UBR4: variants seen among roughly 807,000 people sequenced by gnomAD.
UBR4 encodes E3 ubiquitin-protein ligase UBR4.
UBR4 carries 124 observed loss-of-function variants against 575.6 expected under a neutral mutation model. That is an observed-to-expected ratio of 0.22 (90% CI 0.19 to 0.25). The LOEUF (loss-of-function observed/expected upper bound fraction) is 0.25, where lower values mean the gene tolerates loss of function less well. Ranked by LOEUF, UBR4 falls within the 10% of genes least tolerant of loss-of-function variation. The pLI, the probability that UBR4 is intolerant of heterozygous loss-of-function variation, is 1.00. For missense variants in UBR4, 4,818 were observed against 6,478.8 expected, an observed-to-expected ratio of 0.74 and a Z score of 8.80; for synonymous variants, 2,455 against 2,473.7, an observed-to-expected ratio of 0.99 and a Z score of 0.22.
At chr1:19,182,344 A>AT (rs35107779) in intron 17 of UBR4, among the ~76,000 whole-genome samples, 20,390 of 148,810 alleles carry the variant, frequency 0.14, 1,455 homozygotes, top group Middle Eastern at 0.2. Flanking sequence ...TAGTAATTCT[A>AT]TTTTTTTTTT....
chr1:19,130,825 T>C (rs1411957266), intron 60 of UBR4, among the ~76,000 whole-genome samples: 1 of 152,118 alleles, frequency 6.6e-6, no homozygotes, highest in East Asian at 1.9e-4. Context: ...TACACACACA[T>C]GAAGAAAAAA....
chr1:19,099,811 C>G, intron 89 of UBR4, 134 bp from the exon 90 acceptor site: 1 of 708,368 alleles, frequency 1.4e-6, no homozygotes, highest in Non-Finnish European at 2.3e-6. Context: ...AACTCTCCCA[C>G]TCTTAAAAAA....
rs1277296446 is a variant in UBR4 at position 19,174,455 on chromosome 1, C to G, written c.2854-8G>C. The G allele has an allele frequency of 6.2e-7, 1 of 1,606,312 alleles. No homozygotes were observed. Among genetic ancestry groups the G allele is most frequent in the African/African-American group, 1.3e-5 (1 of 74,872 alleles). On this transcript the variant is annotated splice_region_variant and splice_polypyrimidine_tract_variant and intron_variant, in intron 21 of 105. Coordinates refer to ENST00000375254, the MANE Select transcript of UBR4 (RefSeq NM_020765.3). ...GAAAAGGACGTCACATGCCTGACAT[C>G]AAGAAAGAAAGAGAGTCATTTCCTT...
In UBR4 at chr1:19,183,975, T is replaced by C. The variant is rs2091277673; in HGVS notation, c.2098+41A>G. 2.5e-6 allele frequency: 4 copies of C among 1,612,818 alleles called. No individual in the cohort carries two copies. The East Asian group carries it at 6.7e-5, about 27-fold the overall frequency. Reference sequence around the variant, plus strand: ...CCTCCCTGCCAACAGCCAAACTCCATGAGAAAAAAAATCCATCAGGCACAT... The same window carrying C: ...CCTCCCTGCCAACAGCCAAACTCCACGAGAAAAAAAATCCATCAGGCACAT... On this transcript the variant is annotated intron_variant, in intron 16 of 105. Coordinates refer to ENST00000375254, the MANE Select transcript of UBR4 (RefSeq NM_020765.3).
intron 52 of UBR4, 141 bp downstream of exon 52, chr1:19,146,685 T>C: frequency 8.9e-7 from 1 of 1,119,818 alleles, no homozygotes. Context: ...CAAAAGGCCC[T>C]ACAAGGTATA....
intron 59 of UBR4, 84 bp from the exon 60 acceptor site, chr1:19,138,265 A>G: frequency 7.2e-7 from 1 of 1,379,734 alleles, no homozygotes; most frequent in South Asian, 1.8e-5. Context: ...AGCAATAGTT[A>G]AGACAGTAAC....
chr1:19,176,520 C>T (rs2151021939), intron 20 of UBR4, 72 bp downstream of exon 20: 2 of 1,565,404 alleles, frequency 1.3e-6, no homozygotes, highest in Non-Finnish European at 1.7e-6. Context: ...TCCAAGAGTC[C>T]CCAAGCTTCA....
At chr1:19,208,269 C>A (rs1369333185) in intron 1 of UBR4, among the ~76,000 whole-genome samples, 2 of 151,946 alleles carry the variant, frequency 1.3e-5, no homozygotes, top group African/African-American at 2.4e-5. Flanking sequence ...ATATGGAGAC[C>A]ATTCTGGCTA....
intron 75 of UBR4, 110 bp downstream of exon 75, chr1:19,114,701 T>G (rs1295129744): frequency 7.1e-7 from 1 of 1,406,508 alleles, no homozygotes; most frequent in African/African-American, 1.4e-5. Flanking sequence ...AAACTGGTGT[T>G]GAGTCGAAGA....
In UBR4 at chr1:19,201,652, C is replaced by T. The variant is rs1318023359; in HGVS notation, c.274+66G>A. The T allele has an allele frequency of 2.0e-5, 28 of 1,399,776 alleles. 2 individuals carry two copies. The highest frequency in any genetic ancestry group is 4.9e-5 in the South Asian group (4 of 82,222). The allele number at this position is 1,399,776 out of a possible 1,614,324, so 86.7% of individuals were successfully genotyped here. On this transcript the variant is annotated intron_variant, in intron 2 of 105. Transcript: ENST00000375254. ...TTAACAACTTTTTCAGATACACTAA[C>T]GAGAGGATAAACAATCCCCCTATTC...
intron 13 of UBR4, 108 bp downstream of exon 13, chr1:19,187,056 T>C: frequency 2.3e-6 from 2 of 860,218 alleles, no homozygotes; most frequent in Non-Finnish European, 2.9e-6. Flanking sequence ...GTAGTCAGTC[T>C]TATTCATTTC....
Position 19,093,625 on chromosome 1 carries a change from C to T in UBR4, c.13938-139G>A, listed in dbSNP as rs2077738327. 1.1e-6 allele frequency: 1 copy of T among 928,502 alleles called. No individual in the cohort carries two copies. The highest frequency in any genetic ancestry group is 1.6e-6 in the Non-Finnish European group (1 of 630,114). The allele number at this position is 928,502 out of a possible 1,614,324, so 57.5% of individuals were successfully genotyped here. A position where few individuals can be genotyped will look rare whatever the true frequency, so the allele number is the denominator to read the frequency against. ...AACGTGACACAAAGACCTATCTGCCCCGGCTCCTGCCACTCTCCCTGTTTA... is the reference window on the plus strand; with the variant it reads ...AACGTGACACAAAGACCTATCTGCCTCGGCTCCTGCCACTCTCCCTGTTTA... On this transcript the variant is annotated intron_variant, in intron 95 of 105. Transcript: ENST00000375254. This position sits in a 1 kb window ranked among gnomAD's most constrained non-coding sequence, Gnocchi z 4.8.
chr1:19,102,687 T>G (rs891710064), intron 87 of UBR4, among the ~76,000 whole-genome samples: 2 of 152,158 alleles, frequency 1.3e-5, no homozygotes, highest in Non-Finnish European at 2.9e-5. Context: ...TGCGTTGAGC[T>G]TTGGTTTCCA....
intron 19 of UBR4, 106 bp downstream of exon 19, chr1:19,177,348 CAAAACCT>C (rs1226734098): frequency 2.1e-6 from 3 of 1,409,228 alleles, no homozygotes; most frequent in African/African-American, 2.9e-5. Flanking sequence ...ATCAACCTAC[CAAAACCT>C]AAAACCTAAA....
intron 2 of UBR4, 45 bp from the exon 3 acceptor site, chr1:19,199,799 T>C: frequency 1.3e-6 from 2 of 1,553,768 alleles, no homozygotes; most frequent in Non-Finnish European, 1.8e-6. Flanking sequence ...TGCTCAGCGT[T>C]GGTCAATAAA....
intron 81 of UBR4, 127 bp downstream of exon 81, chr1:19,109,969 C>T: frequency 7.1e-7 from 1 of 1,402,252 alleles, no homozygotes; most frequent in African/African-American, 1.4e-5. Context: ...AAAGGCTGCA[C>T]TGGAGCCTCT....
chr1:19,153,425 A>G lies in UBR4; in HGVS notation c.6708T>C (p.Asp2236=). The G allele has an allele frequency of 6.2e-7, 1 of 1,614,184 alleles. No individual in the cohort carries two copies. The highest frequency in any genetic ancestry group is 8.5e-7 in the Non-Finnish European group (1 of 1,180,018). The change falls in exon 46 of 106, where the codon GAT becomes GAC. Residue 2236 remains aspartate, a synonymous_variant. Coordinates refer to ENST00000375254, the MANE Select transcript of UBR4 (RefSeq NM_020765.3). This position sits in a 1 kb window ranked among gnomAD's most constrained non-coding sequence, Gnocchi z 4.1. ...QRTTMILLCE[D]GSLRIYMANV... ...TGGCCATGTAAATGCGCAGGCTGCC[A>G]TCCTCACACAGCAGAATCATTGTTG...
chr1:19,110,268 A>G lies in UBR4; in HGVS notation c.11978-45T>C, dbSNP rs774496436. ...GCAGAGTCACAATCAGGAACACTAC[A>G]CATCTGCTCTGCAGAGGCCGCCCAA... On this transcript the variant is annotated intron_variant, in intron 80 of 105. Transcript: ENST00000375254. The surrounding 1 kb of genome is among the most constrained non-coding windows in gnomAD (Gnocchi z 4.5). 1.2e-5 allele frequency: 19 copies of G among 1,613,828 alleles called. No homozygotes were observed. Among genetic ancestry groups the G allele is most frequent in the East Asian group, 2.2e-5 (1 of 44,880 alleles).
At chr1:19,169,320 G>T in intron 27 of UBR4, 115 bp downstream of exon 27, 1 of 755,836 alleles carries the variant, frequency 1.3e-6, no homozygotes, top group Non-Finnish European at 2.0e-6. Context: ...CAATATTACT[G>T]CAGTATATGA....
Sources: allele counts gnomAD v4.1 joint callset (sites outside exome capture counted in the v4.1 genomes callset), GRCh38; gene constraint gnomAD v4.1.1; non-coding constraint Gnocchi (gnomAD v3.1); transcripts MANE v1.5; gene names NCBI Gene and HGNC (gene_info 2026-07-23, HGNC 2026-07-21).